The following EDIL3 variants were observed in gnomAD, a reference collection of about 807,000 sequenced individuals.
EDIL3 encodes the protein EGF-like repeat and discoidin I-like domain-containing protein 3.
A neutral mutation model predicts 67.4 loss-of-function variants in EDIL3; 37 were observed. The ratio of observed to expected loss-of-function variants is 0.55; its 90% confidence interval spans 0.42 to 0.72. EDIL3 has a LOEUF of 0.72. Among genes scored for constraint, EDIL3 ranks in the 30% least tolerant of loss-of-function variants. EDIL3 has a pLI of 0.00. For synonymous variants in EDIL3, 195 were observed against 196.3 expected (o/e 0.99, Z 0.05); for missense variants, 527 against 586.3 (o/e 0.90, Z 1.04).
At chr5:83,971,610 C>T (rs1376172370) in intron 9 of EDIL3, among the ~76,000 whole-genome samples, 3 of 151,722 alleles carry the variant, frequency 2.0e-5, no homozygotes, top group Admixed American at 6.6e-5. Flanking sequence ...TTTTTTCATA[C>T]ATTTAGAAAA....
intron 1 of EDIL3, among the ~76,000 whole-genome samples, chr5:84,295,035 G>T (rs1186061416): frequency 6.6e-6 from 1 of 152,014 alleles, no homozygotes; most frequent in East Asian, 1.9e-4. Flanking sequence ...TATTTATCTT[G>T]TTCCCATAGA....
chr5:84,266,405 T>G (rs903241909), intron 1 of EDIL3, among the ~76,000 whole-genome samples: 13 of 152,212 alleles, frequency 8.5e-5, no homozygotes, highest in African/African-American at 3.1e-4. Context: ...GGTTTATCTC[T>G]GCTATTGAAG....
chr5:84,286,774 T>G lies in EDIL3; in HGVS notation c.68-32562A>C, dbSNP rs546740996. ...TGGTTTTTCTTTTGCCCTCATAAAATAAGGCTCTGCACCTCAGGTTGGAAT... is the reference window on the plus strand; with the variant it reads ...TGGTTTTTCTTTTGCCCTCATAAAAGAAGGCTCTGCACCTCAGGTTGGAAT... On this transcript the variant is annotated intron_variant, in intron 1 of 10. Coordinates refer to ENST00000296591, the MANE Select transcript of EDIL3 (RefSeq NM_005711.5). Among the ~76,000 whole-genome samples, 3 of 152,300 alleles carry G rather than the reference T, an allele frequency of 2.0e-5. No individual in the cohort carries two copies. In the South Asian group the frequency reaches 6.2e-4, roughly 32 times the overall value.
intron 9 of EDIL3, among the ~76,000 whole-genome samples, chr5:84,042,533 C>T (rs773046182): frequency 2.6e-5 from 4 of 152,226 alleles, no homozygotes; most frequent in Admixed American, 6.5e-5. Flanking sequence ...CTGCCTGCCT[C>T]GGCCTCTCAA....
intron 9 of EDIL3, among the ~76,000 whole-genome samples, chr5:83,988,016 T>C (rs1434891567): frequency 6.6e-6 from 1 of 152,030 alleles, no homozygotes; most frequent in Non-Finnish European, 1.5e-5. Flanking sequence ...CTCTTAGATA[T>C]GGAATCGTTT....
intron 3 of EDIL3, among the ~76,000 whole-genome samples, chr5:84,189,563 GA>G (rs1743537201): frequency 6.6e-6 from 1 of 151,904 alleles, no homozygotes; most frequent in Non-Finnish European, 1.5e-5. Flanking sequence ...TTTACAAAGT[GA>G]TAACTATTGT....
chr5:84,039,521 G>A (rs1013556733), intron 9 of EDIL3, among the ~76,000 whole-genome samples: 1 of 152,094 alleles, frequency 6.6e-6, no homozygotes, highest in African/African-American at 2.4e-5. Context: ...AGGAATAGAG[G>A]CACAATGCAA....
chr5:84,297,377 A>G (rs1746073731), intron 1 of EDIL3, among the ~76,000 whole-genome samples: 1 of 152,146 alleles, frequency 6.6e-6, no homozygotes, highest in South Asian at 2.1e-4. Context: ...AATTTCAAGA[A>G]ACAACAGATG....
intron 4 of EDIL3, among the ~76,000 whole-genome samples, chr5:84,151,308 A>G (rs920730320): frequency 6.6e-6 from 1 of 150,458 alleles, no homozygotes; most frequent in East Asian, 1.9e-4. Context: ...CCGACACTCC[A>G]TGACAATAAA....
chr5:84,323,523 T>A (rs1196441693), intron 1 of EDIL3, among the ~76,000 whole-genome samples: 1 of 151,872 alleles, frequency 6.6e-6, no homozygotes, highest in Non-Finnish European at 1.5e-5. Context: ...GTATAAGGTA[T>A]AAAGGAAACA....
chr5:84,183,462 TATAA>T (rs1489469744), intron 3 of EDIL3, among the ~76,000 whole-genome samples: 10 of 152,078 alleles, frequency 6.6e-5, no homozygotes, highest in South Asian at 6.2e-4. Context: ...GAAAAAAATA[TATAA>T]ATAATTACAG....
intron 2 of EDIL3, among the ~76,000 whole-genome samples, chr5:84,239,053 A>T (rs776599431): frequency 6.6e-6 from 1 of 152,154 alleles, no homozygotes; most frequent in Non-Finnish European, 1.5e-5. Context: ...TCAAAATCTC[A>T]TCAAGGAACA....
At chr5:84,305,145 T>G (rs1746239131) in intron 1 of EDIL3, among the ~76,000 whole-genome samples, 1 of 152,142 alleles carries the variant, frequency 6.6e-6, no homozygotes, top group African/African-American at 2.4e-5. Flanking sequence ...AATCTAGAAT[T>G]AACAAATCCA....
chr5:84,242,404 C>G (rs1443526527), intron 2 of EDIL3, among the ~76,000 whole-genome samples: 2 of 152,146 alleles, frequency 1.3e-5, no homozygotes, highest in Admixed American at 6.5e-5. Context: ...TAACCACACC[C>G]CCATGATGCT....
intron 2 of EDIL3, among the ~76,000 whole-genome samples, chr5:84,249,814 G>A (rs1360876837): frequency 6.6e-6 from 1 of 152,098 alleles, no homozygotes; most frequent in East Asian, 1.9e-4. Context: ...ATACTGATAG[G>A]CTGGGAGAGG....
intron 4 of EDIL3, among the ~76,000 whole-genome samples, chr5:84,141,950 TAG>T (rs1748204472): frequency 6.6e-5 from 8 of 120,454 alleles, no homozygotes; most frequent in African/African-American, 2.5e-4. Context: ...TATATATACA[TAG>T]ATCTATCTAT....
chr5:84,145,173 A>C, intron 4 of EDIL3, among the ~76,000 whole-genome samples: 1 of 152,174 alleles, frequency 6.6e-6, no homozygotes, highest in East Asian at 1.9e-4. Flanking sequence ...TTATGTACAA[A>C]ATGTACTAAG....
At chr5:84,291,822 T>C (rs1459555167) in intron 1 of EDIL3, among the ~76,000 whole-genome samples, 2 of 146,360 alleles carry the variant, frequency 1.4e-5, no homozygotes. Context: ...CACATATATA[T>C]ACACACACAT....
intron 1 of EDIL3, among the ~76,000 whole-genome samples, chr5:84,372,671 G>C (rs886985254): frequency 1.3e-5 from 2 of 152,092 alleles, no homozygotes; most frequent in South Asian, 4.2e-4. Flanking sequence ...AAGATTCCTC[G>C]ATTTGGATCT....
Sources: gnomAD v4.1 joint callset for allele counts (sites outside exome capture counted in the v4.1 genomes callset) on GRCh38, gnomAD v4.1.1 for gene constraint, MANE v1.5 for transcripts, NCBI Gene and HGNC (gene_info 2026-07-23, HGNC 2026-07-21) for gene names.